The following AFG1L variants were observed in gnomAD, a reference collection of about 807,000 sequenced individuals.
AFG1L encodes AFG1-like ATPase.
AFG1L carries 53 observed loss-of-function variants against 62.2 expected under a neutral mutation model. The ratio of observed to expected loss-of-function variants is 0.85; its 90% CI spans 0.68 to 1.07. The LOEUF is 1.07. Ranked by LOEUF, AFG1L falls within the 50% of genes least tolerant of loss-of-function variation. AFG1L has a pLI of 0.00. For missense variants in AFG1L, 555 were observed against 590.5 expected, an observed-to-expected ratio of 0.94 and a Z score of 0.62; for synonymous variants, 228 against 210.3, an observed-to-expected ratio of 1.08 and a Z score of -0.73.
intron 6 of AFG1L, among the ~76,000 whole-genome samples, chr6:108,372,434 C>T (rs1185830730): frequency 2.0e-5 from 3 of 150,950 alleles, no homozygotes; most frequent in Admixed American, 2.0e-4. Flanking sequence ...GGTTCAAGCG[C>T]CTCTCCTGCC....
intron 10 of AFG1L, among the ~76,000 whole-genome samples, chr6:108,493,034 G>A (rs1326865913): frequency 1.3e-5 from 2 of 152,224 alleles, no homozygotes; most frequent in African/African-American, 4.8e-5. Flanking sequence ...TGGAAAGTAT[G>A]GGTTCTTTTA....
At chr6:108,518,138 G>C (rs951661228) in intron 11 of AFG1L, among the ~76,000 whole-genome samples, 123 of 152,258 alleles carry the variant, frequency 8.1e-4, no homozygotes, top group Admixed American at 2.0e-3. Flanking sequence ...TTTGACCCAG[G>C]CATCCCATTA....
intron 10 of AFG1L, among the ~76,000 whole-genome samples, chr6:108,485,656 A>ATATATTT (rs1359021647): frequency 8.0e-5 from 2 of 25,032 alleles, no homozygotes; most frequent in African/African-American, 5.2e-4. Context: ...ATATATATAT[A>ATATATTT]TTTTTTTTTT....
intron 8 of AFG1L, among the ~76,000 whole-genome samples, chr6:108,473,996 C>G (rs937637262): frequency 6.6e-6 from 1 of 152,192 alleles, no homozygotes; most frequent in Non-Finnish European, 1.5e-5. Context: ...TTAAGCCCCA[C>G]ATGCATTAGC....
At chr6:108,470,062 G>A (rs1772824237) in intron 8 of AFG1L, among the ~76,000 whole-genome samples, 1 of 152,190 alleles carries the variant, frequency 6.6e-6, no homozygotes. Context: ...TCTTTGGTGA[G>A]AACTGGTCTG....
At position 108,324,002 on chromosome 6, in the gene AFG1L, A is replaced by T; in HGVS notation, c.317A>T (p.Glu106Val). The change falls in exon 2 of 13, where the codon GAG becomes GTG. Residue 106 changes from glutamate to valine, a missense_variant. Coordinates refer to ENST00000368977, the MANE Select transcript of AFG1L (RefSeq NM_145315.5). The stretch of plus-strand genomic sequence containing the variant: ...ATACAGTGTTTGCAGAAATTACACG[A>T]GGACCTTAAAGGATACAATATAGAG... The part of the protein sequence containing the change: ...RVIQCLQKLH[E>V]DLKGYNIEAE... 1 of 1,614,154 alleles carries T rather than the reference A, an allele frequency of 6.2e-7. No homozygotes were observed. Among genetic ancestry groups the T allele is most frequent in the Non-Finnish European group, 8.5e-7 (1 of 1,179,966 alleles).
At chr6:108,364,147 GA>G (rs1450227799) in intron 5 of AFG1L, among the ~76,000 whole-genome samples, 1 of 152,128 alleles carries the variant, frequency 6.6e-6, no homozygotes, top group African/African-American at 2.4e-5. Flanking sequence ...GCTGGGTACT[GA>G]AAAAGCCAGC....
chr6:108,377,026 C>G (rs1780277435), intron 6 of AFG1L, among the ~76,000 whole-genome samples: 1 of 151,886 alleles, frequency 6.6e-6, no homozygotes, highest in African/African-American at 2.4e-5. Flanking sequence ...GGTTTAAAGT[C>G]TATTTAATCT....
chr6:108,462,926 TA>T (rs1268039359), intron 8 of AFG1L, among the ~76,000 whole-genome samples: 1 of 152,194 alleles, frequency 6.6e-6, no homozygotes, highest in Non-Finnish European at 1.5e-5. Flanking sequence ...ATCTGCTGCA[TA>T]AGAAAAGCTG....
chr6:108,440,902 T>C (rs1771520033), intron 7 of AFG1L, among the ~76,000 whole-genome samples: 1 of 152,194 alleles, frequency 6.6e-6, no homozygotes, highest in African/African-American at 2.4e-5. Context: ...TAAAATAAAT[T>C]AGTTGACTGT....
rs200475277 is a variant in AFG1L, at chr6:108,519,738, A to G, written c.1245A>G (p.Leu415=). Residue 415 remains leucine (L), a synonymous_variant, in exon 12 of 13, where the codon TTA becomes TTG. Coordinates refer to ENST00000368977, the MANE Select transcript of AFG1L (RefSeq NM_145315.5). The part of the protein sequence containing the change: ...ICSASTPISS[L]FLHQHHDSEL... ...CTGCGTCGACTCCTATATCAAGCTT[A>G]TTTTTGCATCAACATCATGACAGTG... 7.7e-5 allele frequency: 125 copies of G among 1,613,436 alleles called. No individual in the cohort carries two copies. The East Asian group carries it at 2.7e-3, about 34-fold the overall frequency.
intron 3 of AFG1L, 129 bp downstream of exon 3, chr6:108,347,168 G>A (rs989948563): frequency 1.3e-6 from 1 of 762,292 alleles, no homozygotes; most frequent in Non-Finnish European, 2.2e-6. Context: ...GGGTAAGGTA[G>A]GGAGAGAAGA....
chr6:108,525,283 T>C lies in AFG1L; in HGVS notation c.*2858T>C, dbSNP rs563994548. The C allele has an allele frequency of 2.6e-5, 4 of 152,336 alleles. 1 individual carries two copies. The South Asian group carries it at 8.3e-4, about 32-fold the overall frequency. The allele number at this position is 152,336 out of a possible 1,614,324, so 9.4% of individuals were successfully genotyped here. ...TCACTTCTCATATTTCTTTAGGCAG[T>C]GTATGAGCTTATTTGCTGATATCAC... On this transcript the variant is annotated 3_prime_UTR_variant, in exon 13 of 13. Transcript: ENST00000368977.
intron 5 of AFG1L, among the ~76,000 whole-genome samples, chr6:108,363,404 G>T (rs1779622192): frequency 6.6e-6 from 1 of 151,998 alleles, no homozygotes. Context: ...GCGCATTTCA[G>T]TTTTACCTGA....
At chr6:108,418,302 A>G (rs114415417) in intron 7 of AFG1L, among the ~76,000 whole-genome samples, 3,429 of 152,276 alleles carry the variant, frequency 0.023, 82 homozygotes, top group South Asian at 0.085. Context: ...TTATGCTCAT[A>G]TATTTATGTA....
chr6:108,324,369 G>A (rs996467151), intron 2 of AFG1L, among the ~76,000 whole-genome samples: 13 of 152,190 alleles, frequency 8.5e-5, no homozygotes, highest in Admixed American at 6.5e-5. Flanking sequence ...GAGGAGTGAT[G>A]TGTTCTTTCC....
In AFG1L at chr6:108,456,557, TAG is replaced by T. The variant is rs1367856424; in HGVS notation, c.890+9264_890+9265del. On this transcript the variant is annotated intron_variant, in intron 8 of 12. Coordinates refer to ENST00000368977, the MANE Select transcript of AFG1L (RefSeq NM_145315.5). ...TAACTCAGTGGTTTGTTAGTATATTTAGAGTTGTACTACCATCACCACTATCT... is the reference window on the plus strand; with the variant it reads ...TAACTCAGTGGTTTGTTAGTATATTTAGTTGTACTACCATCACCACTATCT... Among the ~76,000 whole-genome samples the T allele has an allele frequency of 1.2e-4, 19 of 152,184 alleles. 1 individual carries two copies. Among genetic ancestry groups the T allele is most frequent in the African/African-American group, 4.6e-4 (19 of 41,536 alleles).
chr6:108,424,628 A>G (rs147320046), intron 7 of AFG1L, among the ~76,000 whole-genome samples: 2 of 152,190 alleles, frequency 1.3e-5, no homozygotes, highest in East Asian at 1.9e-4. Context: ...TGTTAGAGAT[A>G]TATTGTAATA....
At chr6:108,440,053 A>C (rs1363938761) in intron 7 of AFG1L, among the ~76,000 whole-genome samples, 2 of 152,242 alleles carry the variant, frequency 1.3e-5, no homozygotes, top group Non-Finnish European at 2.9e-5. Flanking sequence ...GTATAGGAAA[A>C]ACTTATATAA....
Sources: allele counts gnomAD v4.1 joint callset (sites outside exome capture counted in the v4.1 genomes callset), GRCh38; gene constraint gnomAD v4.1.1; transcripts MANE v1.5; gene names NCBI Gene and HGNC (gene_info 2026-07-23, HGNC 2026-07-21).